PALM2AKAP2: variants seen among roughly 807,000 people sequenced by gnomAD.
The protein encoded by PALM2AKAP2 is PALM2 and AKAP2 fusion.
In PALM2AKAP2, 37 loss-of-function variants were observed where a neutral mutation model predicts 71.5. That is an observed-to-expected ratio of 0.52 (90% CI 0.40 to 0.68). PALM2AKAP2 has a LOEUF of 0.68. Among genes scored for constraint, PALM2AKAP2 ranks in the 30% least tolerant of loss-of-function variants. The pLI is 0.00. For synonymous variants in PALM2AKAP2, 468 were observed against 478.8 expected (o/e 0.98, Z 0.29); for missense variants, 1,224 against 1,191.8 (o/e 1.03, Z -0.40).
At chr9:110,020,239 T>C (rs768698919) in intron 7 of PALM2AKAP2, among the ~76,000 whole-genome samples, 15 of 152,234 alleles carry the variant, frequency 9.9e-5, no homozygotes, top group Admixed American at 2.0e-4. Context: ...TCTATTTTAG[T>C]ATTTATAAAT....
At chr9:109,824,724 G>A (rs1828098254) in intron 1 of PALM2AKAP2, among the ~76,000 whole-genome samples, 1 of 152,162 alleles carries the variant, frequency 6.6e-6, no homozygotes, top group Admixed American at 6.5e-5. Flanking sequence ...ATGTATGTAT[G>A]TTTGTGAGCC....
intron 1 of PALM2AKAP2, among the ~76,000 whole-genome samples, chr9:109,651,459 C>T (rs1827224702): frequency 6.6e-6 from 1 of 152,192 alleles, no homozygotes; most frequent in Admixed American, 6.5e-5. Context: ...CTGCCTTTGC[C>T]TTTGTAAAGC....
chr9:109,792,128 C>T (rs1827127125), intron 1 of PALM2AKAP2, among the ~76,000 whole-genome samples: 1 of 152,120 alleles, frequency 6.6e-6, no homozygotes, highest in African/African-American at 2.4e-5. Flanking sequence ...TTGGTGGGAT[C>T]CATACCCTAT....
intron 1 of PALM2AKAP2, among the ~76,000 whole-genome samples, chr9:109,715,469 C>T (rs1056369445): frequency 6.6e-6 from 1 of 152,126 alleles, no homozygotes; most frequent in Non-Finnish European, 1.5e-5. Context: ...TGCTTATCTC[C>T]GTTCTTCTTC....
chr9:109,699,244 C>A (rs951120135), intron 1 of PALM2AKAP2, among the ~76,000 whole-genome samples: 1 of 152,182 alleles, frequency 6.6e-6, no homozygotes, highest in Admixed American at 6.5e-5. Context: ...CCTTATGAAG[C>A]AAGAATGTAG....
At chr9:109,706,377 A>G (rs1352747115) in intron 1 of PALM2AKAP2, among the ~76,000 whole-genome samples, 2 of 152,208 alleles carry the variant, frequency 1.3e-5, no homozygotes, top group Non-Finnish European at 2.9e-5. Flanking sequence ...ATCCACTACA[A>G]TGGATATTAT....
intron 1 of PALM2AKAP2, among the ~76,000 whole-genome samples, chr9:109,831,080 G>A (rs1252635187): frequency 6.6e-6 from 1 of 151,720 alleles, no homozygotes; most frequent in East Asian, 1.9e-4. Context: ...TTGGAGGTGA[G>A]ATTTTTAGTA....
At chr9:109,701,142 G>T (rs541023599) in intron 1 of PALM2AKAP2, among the ~76,000 whole-genome samples, 3 of 152,200 alleles carry the variant, frequency 2.0e-5, no homozygotes, top group African/African-American at 7.2e-5. Context: ...AAGATACCAC[G>T]GTTAGAAAAT....
At chr9:110,113,147 C>T (rs575166560) in intron 1 of PALM2AKAP2, among the ~76,000 whole-genome samples, 5 of 152,282 alleles carry the variant, frequency 3.3e-5, no homozygotes, top group African/African-American at 9.6e-5. Flanking sequence ...TTGATATGCC[C>T]TTATTCCACA....
chr9:110,096,206 T>A (rs1198687567), intron 1 of PALM2AKAP2, among the ~76,000 whole-genome samples: 2 of 152,220 alleles, frequency 1.3e-5, no homozygotes, highest in Non-Finnish European at 2.9e-5. Context: ...CTAGATTCTG[T>A]TTAATAACCT....
intron 1 of PALM2AKAP2, among the ~76,000 whole-genome samples, chr9:109,755,686 C>T (rs537050378): frequency 6.6e-6 from 1 of 151,744 alleles, no homozygotes; most frequent in South Asian, 2.1e-4. Context: ...TAAAATAGTC[C>T]CCAGCCCCCA....
upstream of PALM2AKAP2, among the ~76,000 whole-genome samples, chr9:110,046,527 G>C (rs1833600086): frequency 6.8e-6 from 1 of 146,072 alleles, no homozygotes; most frequent in African/African-American, 2.5e-5. Context: ...GGAGTGCAAT[G>C]GCACGATCTC....
intron 2 of PALM2AKAP2, among the ~76,000 whole-genome samples, chr9:109,872,786 T>C (rs1302701803): frequency 1.3e-5 from 2 of 152,212 alleles, no homozygotes; most frequent in Non-Finnish European, 2.9e-5. Context: ...GTTTTGAACA[T>C]TTAGCACTAA....
At chr9:110,098,819 T>G (rs1303596231) in intron 1 of PALM2AKAP2, among the ~76,000 whole-genome samples, 1 of 152,238 alleles carries the variant, frequency 6.6e-6, no homozygotes, top group Non-Finnish European at 1.5e-5. Flanking sequence ...GCAGGTATTC[T>G]CATTTCCACG....
intron 2 of PALM2AKAP2, among the ~76,000 whole-genome samples, chr9:110,147,421 C>T (rs149210864): frequency 7.7e-4 from 117 of 152,278 alleles, no homozygotes; most frequent in Non-Finnish European, 1.3e-3. Flanking sequence ...TAAAGTTATA[C>T]CAACCTCATA....
At chr9:109,842,137 C>T (rs933318242) in intron 1 of PALM2AKAP2, among the ~76,000 whole-genome samples, 14 of 152,084 alleles carry the variant, frequency 9.2e-5, no homozygotes, top group African/African-American at 3.4e-4. Flanking sequence ...GGCCTTTATC[C>T]ACTTCCCTAA....
At chr9:109,765,219 G>A (rs1278620040) in intron 1 of PALM2AKAP2, among the ~76,000 whole-genome samples, 1 of 152,202 alleles carries the variant, frequency 6.6e-6, no homozygotes, top group Non-Finnish European at 1.5e-5. Flanking sequence ...GTCAGTCTGA[G>A]GCAGGCTCAG....
intron 1 of PALM2AKAP2, among the ~76,000 whole-genome samples, chr9:109,690,082 CT>C (rs1271671927): frequency 2.4e-4 from 36 of 152,120 alleles, no homozygotes; most frequent in Admixed American, 1.1e-3. Context: ...GGTTTTCCCC[CT>C]GCCGGAGGGG....
chr9:109,671,257 A>G (rs920565565), intron 1 of PALM2AKAP2, among the ~76,000 whole-genome samples: 2 of 152,150 alleles, frequency 1.3e-5, no homozygotes, highest in Non-Finnish European at 2.9e-5. Context: ...TTTGTCTTTA[A>G]TCCATCTTGA....
Sources: allele counts gnomAD v4.1 joint callset (sites outside exome capture counted in the v4.1 genomes callset), GRCh38; gene constraint gnomAD v4.1.1; transcripts MANE v1.5; gene names NCBI Gene and HGNC (gene_info 2026-07-23, HGNC 2026-07-21).